The following LGR6 variants were observed in gnomAD, a reference collection of about 807,000 sequenced individuals.
LGR6 encodes leucine-rich repeat-containing G protein-coupled receptor 6.
Under a neutral mutation model 69.4 loss-of-function variants are expected in LGR6, and 45 were observed. The observed-to-expected ratio is 0.65, with a 90% CI of 0.51 to 0.83. LGR6 has a LOEUF of 0.83. Ranked by LOEUF, LGR6 falls within the 40% of genes least tolerant of loss-of-function variation. The pLI is 0.00. For synonymous variants in LGR6, 538 were observed against 555.0 expected (o/e 0.97, Z 0.43); for missense variants, 1,108 against 1,246.7 (o/e 0.89, Z 1.68).
At chr1:202,240,876 C>T (rs1159424488) in intron 4 of LGR6, among the ~76,000 whole-genome samples, 2 of 152,190 alleles carry the variant, frequency 1.3e-5, no homozygotes, top group African/African-American at 4.8e-5. Context: ...TGCCCCCAGA[C>T]TAATGCCCAA....
chr1:202,205,631 ACCT>A (rs1455893053), intron 1 of LGR6, among the ~76,000 whole-genome samples: 1 of 139,160 alleles, frequency 7.2e-6, no homozygotes, highest in Non-Finnish European at 1.5e-5. Context: ...ATACACATAC[ACCT>A]CCTTCAAACA....
intron 2 of LGR6, among the ~76,000 whole-genome samples, chr1:202,227,040 A>G (rs1312531796): frequency 2.6e-5 from 4 of 152,176 alleles, no homozygotes; most frequent in African/African-American, 4.8e-5. Context: ...GGCTCCACCT[A>G]AAGGACCTTT....
chr1:202,274,704 A>C (rs573560828), intron 4 of LGR6, among the ~76,000 whole-genome samples: 4 of 152,276 alleles, frequency 2.6e-5, no homozygotes, highest in Admixed American at 2.0e-4. Flanking sequence ...GGTCCATGGG[A>C]GTCCACATTA....
intron 4 of LGR6, among the ~76,000 whole-genome samples, chr1:202,260,714 C>T (rs570574983): frequency 6.4e-4 from 97 of 152,260 alleles, no homozygotes; most frequent in African/African-American, 2.3e-3. Context: ...CAACAGATGG[C>T]AACTGTATTT....
At chr1:202,214,042 G>A (rs1225325061) in intron 1 of LGR6, 2 of 1,348,738 alleles carry the variant, frequency 1.5e-6, no homozygotes, top group African/African-American at 1.5e-5. Flanking sequence ...GATGGGTGGG[G>A]CGCTATCCAG....
chr1:202,248,785 C>T (rs1662976589), intron 4 of LGR6, among the ~76,000 whole-genome samples: 1 of 152,214 alleles, frequency 6.6e-6, no homozygotes, highest in African/African-American at 2.4e-5. Flanking sequence ...TCTGCCCTCC[C>T]CATGTTTCCT....
intron 4 of LGR6, among the ~76,000 whole-genome samples, chr1:202,266,899 C>CGT (rs33957874): frequency 2.0e-5 from 1 of 50,380 alleles, no homozygotes; most frequent in African/African-American, 4.0e-5. Flanking sequence ...CTCTCTCTAA[C>CGT]GCGCGCACAC....
intron 1 of LGR6, among the ~76,000 whole-genome samples, chr1:202,224,628 A>T (rs1055889115): frequency 1.4e-4 from 22 of 152,190 alleles, no homozygotes; most frequent in African/African-American, 5.3e-4. Context: ...GAGTCTCATA[A>T]GGAGCATGCA....
intron 1 of LGR6, among the ~76,000 whole-genome samples, chr1:202,216,909 C>G (rs1372932481): frequency 6.6e-6 from 1 of 152,228 alleles, no homozygotes; most frequent in Non-Finnish European, 1.5e-5. Context: ...CAGGGGAACA[C>G]CTCCCCAGGC....
intron 4 of LGR6, among the ~76,000 whole-genome samples, chr1:202,272,379 G>C (rs764595304): frequency 6.6e-6 from 1 of 152,070 alleles, no homozygotes; most frequent in Non-Finnish European, 1.5e-5. Context: ...TTTCTTCCAT[G>C]TGCTCATTCC....
At chr1:202,200,504 A>G (rs1269800836) in intron 1 of LGR6, among the ~76,000 whole-genome samples, 1 of 152,202 alleles carries the variant, frequency 6.6e-6, no homozygotes. Flanking sequence ...GCCAAGATCA[A>G]GGAGCCTGCT....
chr1:202,293,678 A>G (rs1356953151), intron 6 of LGR6, among the ~76,000 whole-genome samples: 2 of 152,216 alleles, frequency 1.3e-5, no homozygotes. Flanking sequence ...ACATGGTACT[A>G]TATGAAGCAG....
chr1:202,255,756 C>T lies in LGR6; in HGVS notation c.428+19763C>T, dbSNP rs145272796. ...TTCTCTATGAGCACACATACTCTTACAAACACACATGCTTCCTTTGTGATA... is the reference window on the plus strand; with the variant it reads ...TTCTCTATGAGCACACATACTCTTATAAACACACATGCTTCCTTTGTGATA... On this transcript the variant is annotated intron_variant, in intron 4 of 17. Coordinates refer to ENST00000367278, the MANE Select transcript of LGR6 (RefSeq NM_001017403.2). 4.4e-4 allele frequency among the ~76,000 whole-genome samples: 67 copies of T among 152,300 alleles called. No homozygotes were observed. In the East Asian group the frequency reaches 0.011, roughly 25 times the overall value.
At chr1:202,270,329 G>A (rs924198088) in intron 4 of LGR6, among the ~76,000 whole-genome samples, 3 of 151,424 alleles carry the variant, frequency 2.0e-5, no homozygotes, top group Non-Finnish European at 2.9e-5. Flanking sequence ...TGCAACCTCC[G>A]CAACCAGGGT....
At chr1:202,211,396 G>A (rs1369293922) in intron 1 of LGR6, among the ~76,000 whole-genome samples, 6 of 152,220 alleles carry the variant, frequency 3.9e-5, no homozygotes, top group South Asian at 4.2e-4. Context: ...CTCTGTTACC[G>A]AGGCTGGAGT....
chr1:202,294,722 G>A (rs1365484014), intron 6 of LGR6, among the ~76,000 whole-genome samples: 1 of 152,160 alleles, frequency 6.6e-6, no homozygotes, highest in African/African-American at 2.4e-5. Flanking sequence ...CATTCTGTTG[G>A]ACCATGCCAG....
chr1:202,194,796 C>G (rs1222429219), intron 1 of LGR6, among the ~76,000 whole-genome samples: 3 of 152,132 alleles, frequency 2.0e-5, no homozygotes, highest in Admixed American at 6.5e-5. Context: ...TCTCCCTTCA[C>G]TGGGGCCTCC....
intron 1 of LGR6, 30 bp from the exon 2 acceptor site, chr1:202,225,393 C>A (rs760207013): frequency 3.7e-6 from 6 of 1,606,284 alleles, no homozygotes; most frequent in South Asian, 1.1e-5. Context: ...GGGGAGTTCA[C>A]AGCTCCTTTT....
Position 202,315,364 on chromosome 1 carries a change from G to A in LGR6, c.1648+482G>A, listed in dbSNP as rs190663513. On this transcript the variant is annotated intron_variant, in intron 17 of 17. Transcript: ENST00000367278. ...CTCTGCACAGTGGAAAAACTCCATA[G>A]TATCCCTGGGTAAGTCCTTACAGCA... 3.1e-3 allele frequency among the ~76,000 whole-genome samples: 471 copies of A among 152,312 alleles called. 1 individual carries two copies. Among genetic ancestry groups the A allele is most frequent in the Admixed American group, 5.3e-3 (81 of 15,292 alleles).
Sources: gnomAD v4.1 joint callset for allele counts (sites outside exome capture counted in the v4.1 genomes callset) on GRCh38, gnomAD v4.1.1 for gene constraint, MANE v1.5 for transcripts, NCBI Gene and HGNC (gene_info 2026-07-23, HGNC 2026-07-21) for gene names.